The following ZNF250 variants were observed in gnomAD, a reference collection of about 807,000 sequenced individuals.
ZNF250 encodes the protein zinc finger protein (clone 647).
A neutral mutation model predicts 37.1 loss-of-function variants in ZNF250; 13 were observed. That is an observed-to-expected ratio of 0.35 (90% CI 0.23 to 0.56). The LOEUF is 0.56. ZNF250 is among the 20% of genes least tolerant of loss of function. The pLI is 0.87. For synonymous variants in ZNF250, 251 were observed against 265.6 expected (o/e 0.94, Z 0.54); for missense variants, 474 against 697.9 (o/e 0.68, Z 3.61).
intron 4 of ZNF250, among the ~76,000 whole-genome samples, chr8:144,887,222 G>A (rs546428387): frequency 7.7e-6 from 1 of 130,276 alleles, no homozygotes; most frequent in South Asian, 2.5e-4. Flanking sequence ...CTGCACTCCA[G>A]CCTGGGGGAC....
intron 5 of ZNF250, among the ~76,000 whole-genome samples, chr8:144,884,371 C>T (rs1831721643): frequency 2.0e-5 from 3 of 152,356 alleles, no homozygotes; most frequent in South Asian, 2.1e-4. Flanking sequence ...CCTGCCTCAG[C>T]CTCCCCAGTG....
At chr8:144,894,422 C>T (rs1359240947) in intron 1 of ZNF250, among the ~76,000 whole-genome samples, 1 of 152,072 alleles carries the variant, frequency 6.6e-6, no homozygotes, top group Non-Finnish European at 1.5e-5. Context: ...TGATTTTCCT[C>T]AGAGCCCTGC....
chr8:144,890,065 A>C lies in ZNF250; in HGVS notation c.43-6T>G. On this transcript the variant is annotated splice_polypyrimidine_tract_variant and splice_region_variant and intron_variant, in intron 2 of 5. Coordinates refer to ENST00000417550, the MANE Select transcript of ZNF250 (RefSeq NM_001109689.4). The surrounding 1 kb of genome is among the most constrained non-coding windows in gnomAD (Gnocchi z 5.1). ...TCCTCGAAGGTCAGCTTGGCCTGGAACGACAGGGGCTGCTGCAGGTAAAAC... is the reference window on the plus strand; with the variant it reads ...TCCTCGAAGGTCAGCTTGGCCTGGACCGACAGGGGCTGCTGCAGGTAAAAC... The C allele has an allele frequency of 6.2e-7, 1 of 1,611,776 alleles. No homozygotes were observed. Among genetic ancestry groups the C allele is most frequent in the South Asian group, 1.1e-5 (1 of 90,644 alleles).
In ZNF250 at chr8:144,897,326, G is replaced by A. The variant is rs192192324; in HGVS notation, c.-55+4073C>T. 6.6e-6 allele frequency among the ~76,000 whole-genome samples: 1 copy of A among 152,354 alleles called. No homozygotes were observed. The highest frequency in any genetic ancestry group is 1.5e-5 in the Non-Finnish European group (1 of 68,034). ...GGAGCCCCTACCCGCTAGGGTGAAA[G>A]CACTTTCAAGAGAGGCAGCTTCTGA... On this transcript the variant is annotated intron_variant, in intron 1 of 5. Coordinates refer to ENST00000417550, the MANE Select transcript of ZNF250 (RefSeq NM_001109689.4). The surrounding 1 kb of genome is among the most constrained non-coding windows in gnomAD (Gnocchi z 5.2).
chr8:144,881,712 C>T lies in ZNF250; in HGVS notation c.1471G>A (p.Val491Met), dbSNP rs370634407. 2.1e-5 allele frequency: 34 copies of T among 1,613,398 alleles called. No homozygotes were observed. Among genetic ancestry groups the T allele is most frequent in the Admixed American group, 1.3e-4 (8 of 59,934 alleles). Residue 491 changes from valine (V) to methionine (M), a missense_variant, in exon 6 of 6, where the codon GTG becomes ATG. Around this residue, in one of 2 missense-constraint regions of ZNF250, gnomAD observed 282 missense variants for 470.4 expected, o/e 0.60. Coordinates refer to ENST00000417550, the MANE Select transcript of ZNF250 (RefSeq NM_001109689.4). ...KAFSLKATLI[V>M]HLRTHTGEKP... Reference sequence around the variant, plus strand: ...TCGCCCGTGTGGGTCCTCAGGTGCACAATCAGAGTTGCTTTCAGGCTGAAG... The same window carrying T: ...TCGCCCGTGTGGGTCCTCAGGTGCATAATCAGAGTTGCTTTCAGGCTGAAG...
At chr8:144,894,044 C>T (rs1299999618) in intron 1 of ZNF250, among the ~76,000 whole-genome samples, 34 of 152,022 alleles carry the variant, frequency 2.2e-4, no homozygotes, top group Admixed American at 2.2e-3. Flanking sequence ...CTGACTCAAC[C>T]TTTCAATATG....
intron 1 of ZNF250, among the ~76,000 whole-genome samples, chr8:144,893,494 C>T (rs540224140): frequency 1.3e-5 from 2 of 152,152 alleles, no homozygotes; most frequent in East Asian, 1.9e-4. Context: ...CCATGCCCGG[C>T]TAATTTTTGT....
Position 144,881,680 on chromosome 8 carries a change from T to C in ZNF250, c.1503A>G (p.Pro501=). The C allele has an allele frequency of 3.1e-6, 5 of 1,610,130 alleles. No individual in the cohort carries two copies. Among genetic ancestry groups the C allele is most frequent in the Non-Finnish European group, 4.2e-6 (5 of 1,178,646 alleles). ...CCTTCCCGCAGCTATTGCACTCATATGGCTTCTCGCCCGTGTGGGTCCTCA... is the reference window on the plus strand; with the variant it reads ...CCTTCCCGCAGCTATTGCACTCATACGGCTTCTCGCCCGTGTGGGTCCTCA... ...VHLRTHTGEK[P]YECNSCGKAF... is the part of the protein sequence containing the mutation. The change falls in exon 6 of 6, where the codon CCA becomes CCG. Residue 501 remains proline, a synonymous_variant. Coordinates refer to ENST00000417550, the MANE Select transcript of ZNF250 (RefSeq NM_001109689.4).
At chr8:144,895,587 C>G (rs1401762111) in intron 1 of ZNF250, among the ~76,000 whole-genome samples, 2 of 152,112 alleles carry the variant, frequency 1.3e-5, no homozygotes, top group African/African-American at 4.8e-5. Context: ...CAATACCAGG[C>G]TGTCAACAAG....
chr8:144,881,318 G>T lies in ZNF250; in HGVS notation c.*197C>A. The T allele has an allele frequency of 1.5e-6, 1 of 685,094 alleles. No homozygotes were observed. Among genetic ancestry groups the T allele is most frequent in the Non-Finnish European group, 2.2e-6 (1 of 452,976 alleles). 42.4% of individuals were successfully genotyped at this position (685,094 alleles called of 1,614,324 possible). A position where few individuals can be genotyped will look rare whatever the true frequency, so the allele number is the denominator to read the frequency against. On this transcript the variant is annotated 3_prime_UTR_variant, in exon 6 of 6. Transcript: ENST00000417550. ...CTCCAACATAACTTCAAGATGTTGA[G>T]GAAAATAAAACAGGTAGTCTCTGAA...
chr8:144,886,807 G>A, intron 5 of ZNF250, 33 bp downstream of exon 5: 1 of 1,591,564 alleles, frequency 6.3e-7, no homozygotes, highest in Non-Finnish European at 8.6e-7. Flanking sequence ...TTCAGAGATT[G>A]TACTGAATTA....
chr8:144,898,204 T>G (rs1055643606), intron 1 of ZNF250, among the ~76,000 whole-genome samples: 12 of 151,982 alleles, frequency 7.9e-5, no homozygotes, highest in Non-Finnish European at 1.6e-4. Context: ...GGCTGAGGCA[T>G]GAGAATTGCT....
At position 144,881,632 on chromosome 8, in the gene ZNF250, G is replaced by A. The variant is rs1447694912; in HGVS notation, c.1551C>T (p.Leu517=). The change falls in exon 6 of 6, where the codon CTC becomes CTT. Residue 517 remains leucine, a synonymous_variant. Coordinates refer to ENST00000417550, the MANE Select transcript of ZNF250 (RefSeq NM_001109689.4). ...CGKAFSQYSV[L]IQHQRIHTGE... is the part of the protein sequence containing the mutation. The stretch of plus-strand genomic sequence containing the variant: ...CTGTGTGGATCCGCTGGTGCTGGAT[G>A]AGCACTGAGTACTGGCTGAAGGCCT... 13 of 1,612,418 alleles carry A rather than the reference G, an allele frequency of 8.1e-6. No individual in the cohort carries two copies. Among genetic ancestry groups the A allele is most frequent in the South Asian group, 4.4e-5 (4 of 90,974 alleles).
In ZNF250 at chr8:144,886,786, G is replaced by C. The variant is rs531286454; in HGVS notation, c.346+54C>G. 9.2e-6 allele frequency: 14 copies of C among 1,526,312 alleles called. No individual in the cohort carries two copies. The East Asian group carries it at 2.9e-4, about 32-fold the overall frequency. 94.5% of individuals were successfully genotyped at this position (1,526,312 alleles called of 1,614,324 possible). On this transcript the variant is annotated intron_variant, in intron 5 of 5. Coordinates refer to ENST00000417550, the MANE Select transcript of ZNF250 (RefSeq NM_001109689.4). ...GCCTCTACATTCTTGTAAAACATTA[G>C]TGTTAACACCTTCAGAGATTGTACT...
Position 144,882,693 on chromosome 8 carries a change from GA to G in ZNF250, c.489del (p.Pro164GlnfsTer12). On this transcript the variant is annotated frameshift_variant, in exon 6 of 6. Transcript: ENST00000417550. LOFTEE classifies it low-confidence loss of function (END_TRUNC). This position sits in a 1 kb window ranked among gnomAD's most constrained non-coding sequence, Gnocchi z 5.5. ...ACTTCACGGTGGTCAACAGAGTTTG[GA>G]CTCAGACAGAAGCTTTGCTTTGTTT... ...NNETKQSFCL[S>X]PNSVDHREVQ... 6.2e-7 allele frequency: 1 copy of G among 1,613,922 alleles called. No homozygotes were observed. The highest frequency in any genetic ancestry group is 8.5e-7 in the Non-Finnish European group (1 of 1,179,874).
intron 1 of ZNF250, among the ~76,000 whole-genome samples, chr8:144,894,491 C>T (rs1267772359): frequency 6.6e-6 from 1 of 152,132 alleles, no homozygotes; most frequent in Non-Finnish European, 1.5e-5. Flanking sequence ...CTGCCCCACC[C>T]ACCGCAGCAG....
At position 144,881,324 on chromosome 8, in the gene ZNF250, T is replaced by TA; in HGVS notation, c.*190dup. On this transcript the variant is annotated 3_prime_UTR_variant, in exon 6 of 6. Transcript: ENST00000417550. ...CATAACTTCAAGATGTTGAGGAAAA[T>TA]AAAACAGGTAGTCTCTGAAGTTTTT... 4.2e-6 allele frequency: 3 copies of TA among 717,534 alleles called. No individual in the cohort carries two copies. The highest frequency in any genetic ancestry group is 5.9e-5 in the East Asian group (2 of 33,770). 44.4% of individuals were successfully genotyped at this position (717,534 alleles called of 1,614,324 possible).
chr8:144,886,723 T>A, intron 5 of ZNF250, 117 bp downstream of exon 5: 1 of 784,464 alleles, frequency 1.3e-6, no homozygotes, highest in Non-Finnish European at 2.0e-6. Flanking sequence ...TTTGTAGCAA[T>A]TGTGTGAGTT....
At chr8:144,900,711 T>C (rs930664911) in intron 1 of ZNF250, among the ~76,000 whole-genome samples, 1 of 152,128 alleles carries the variant, frequency 6.6e-6, no homozygotes, top group African/African-American at 2.4e-5. Context: ...ACCCGGCAAG[T>C]AGCACACTCG....
Sources: allele counts gnomAD v4.1 joint callset (sites outside exome capture counted in the v4.1 genomes callset), GRCh38; gene constraint gnomAD v4.1.1; regional missense constraint gnomAD v4.1.1; non-coding constraint Gnocchi (gnomAD v3.1); transcripts MANE v1.5; gene names NCBI Gene and HGNC (gene_info 2026-07-23, HGNC 2026-07-21).